NNMT: variants seen among roughly 807,000 people sequenced by gnomAD.
The protein encoded by NNMT is nicotinamide N-methyltransferase.
A neutral mutation model predicts 11.7 loss-of-function variants in NNMT; 10 were observed. That is an observed-to-expected ratio of 0.85 (90% CI 0.53 to 1.45). The LOEUF is 1.45. Ranked by LOEUF, NNMT falls within the 40% of genes most tolerant of loss-of-function variation. The pLI is 0.00. For missense variants in NNMT, 381 were observed against 319.4 expected (o/e 1.19, Z -1.47); for synonymous variants, 143 against 133.8 (o/e 1.07, Z -0.48).
At chr11:114,262,357 AC>A (rs1055741967) in intron 1 of NNMT, among the ~76,000 whole-genome samples, 32 of 150,570 alleles carry the variant, frequency 2.1e-4, no homozygotes, top group African/African-American at 6.4e-4. Flanking sequence ...TCTCCCTTTC[AC>A]CCCCAACCCA....
At chr11:114,285,885 C>T (rs746563897) in intron 2 of NNMT, among the ~76,000 whole-genome samples, 37 of 152,180 alleles carry the variant, frequency 2.4e-4, no homozygotes, top group Non-Finnish European at 5.0e-4. Flanking sequence ...CAAGGAGTGT[C>T]AAATGAGAGA....
chr11:114,260,049 C>CT (rs1945064687), intron 1 of NNMT, among the ~76,000 whole-genome samples: 1 of 152,168 alleles, frequency 6.6e-6, no homozygotes, highest in Non-Finnish European at 1.5e-5. Flanking sequence ...TATTCTGACT[C>CT]TATGACAGAG....
At chr11:114,284,871 G>A in intron 2 of NNMT, among the ~76,000 whole-genome samples, 1 of 142,346 alleles carries the variant, frequency 7.0e-6, no homozygotes, top group East Asian at 2.3e-4. Context: ...CTGGGTTCAA[G>A]TGATTCTCCT....
At chr11:114,270,241 G>C (rs1481251465) in intron 2 of NNMT, 1 of 152,076 alleles carries the variant, frequency 6.6e-6, no homozygotes, top group Non-Finnish European at 1.5e-5. Flanking sequence ...TTTTAGATTA[G>C]AGCATTCAAT....
chr11:114,284,180 C>T (rs866577953), intron 2 of NNMT, among the ~76,000 whole-genome samples: 33 of 152,192 alleles, frequency 2.2e-4, no homozygotes, highest in Admixed American at 5.9e-4. Context: ...TAGGGAGGCT[C>T]CACCCTGATT....
At chr11:114,277,648 C>A (rs189944337) in intron 2 of NNMT, among the ~76,000 whole-genome samples, 12 of 152,284 alleles carry the variant, frequency 7.9e-5, no homozygotes, top group Admixed American at 6.5e-4. Context: ...AGGTGAACTT[C>A]AAGAAAAGTG....
intron 2 of NNMT, among the ~76,000 whole-genome samples, chr11:114,309,128 T>C (rs925285573): frequency 1.3e-5 from 2 of 152,248 alleles, no homozygotes; most frequent in African/African-American, 4.8e-5. Context: ...AACACTATGT[T>C]GTCACTACTC....
At chr11:114,302,791 G>A (rs1945450515) in intron 2 of NNMT, among the ~76,000 whole-genome samples, 1 of 152,118 alleles carries the variant, frequency 6.6e-6, no homozygotes, top group African/African-American at 2.4e-5. Context: ...GGTATTAAGA[G>A]GTCGGGGCTT....
rs750737109 is a variant in NNMT, at chr11:114,298,014, C to T, written c.218C>T (p.Ser73Phe). 1.9e-6 allele frequency: 3 copies of T among 1,613,932 alleles called. No individual in the cohort carries two copies. The highest frequency in any genetic ancestry group is 2.5e-6 in the Non-Finnish European group (3 of 1,180,046). ...GSGPTIYQLLSACESFKEIVV... is the reference protein window; with the variant it reads ...GSGPTIYQLLFACESFKEIVV... ...GGCCCCACTATCTATCAGCTCCTCT[C>T]TGCTTGTGAATCCTTTAAGGAGATC... The change falls in exon 2 of 3, where the codon TCT (serine) becomes TTT (phenylalanine). Residue 73 changes from serine (S) to phenylalanine (F), a missense_variant. Ser to Phe is a radical substitution (Grantham distance 155). Coordinates refer to ENST00000299964, the MANE Select transcript of NNMT (RefSeq NM_006169.3).
At chr11:114,283,899 G>A (rs935109866) in intron 2 of NNMT, among the ~76,000 whole-genome samples, 1 of 152,090 alleles carries the variant, frequency 6.6e-6, no homozygotes, top group Non-Finnish European at 1.5e-5. Flanking sequence ...ATAAACAGAG[G>A]GAGAAGAGTG....
intron 2 of NNMT, 184 bp downstream of exon 2, chr11:114,298,342 G>A (rs554358185): frequency 5.0e-5 from 29 of 585,090 alleles, no homozygotes; most frequent in East Asian, 1.7e-4. Context: ...GTATGTGCAC[G>A]TGCATGTGTG....
At chr11:114,266,972 A>G (rs1216588868) in intron 2 of NNMT, among the ~76,000 whole-genome samples, 1 of 152,242 alleles carries the variant, frequency 6.6e-6, no homozygotes, top group African/African-American at 2.4e-5. Flanking sequence ...TCCCATCTAT[A>G]GTTTGTTTTC....
chr11:114,260,496 A>G (rs915876048), intron 1 of NNMT, among the ~76,000 whole-genome samples: 8 of 152,160 alleles, frequency 5.3e-5, no homozygotes, highest in Non-Finnish European at 7.4e-5. Flanking sequence ...TTCGATGCCA[A>G]TCCCCACTTC....
At chr11:114,296,745 T>A (rs1315682022) in intron 1 of NNMT, 35 bp downstream of exon 1, 6 of 1,608,074 alleles carry the variant, frequency 3.7e-6, no homozygotes, top group South Asian at 2.2e-5. Flanking sequence ...CCCACTAATG[T>A]GAGTCATATA....
chr11:114,312,753 T>C lies in NNMT; in HGVS notation c.*276T>C. 4.7e-6 allele frequency: 2 copies of C among 423,314 alleles called. No homozygotes were observed. Among genetic ancestry groups the C allele is most frequent in the Non-Finnish European group, 8.5e-6 (2 of 236,102 alleles). The allele number at this position is 423,314 out of a possible 1,614,324, so 26.2% of individuals were successfully genotyped here. On this transcript the variant is annotated 3_prime_UTR_variant, in exon 3 of 3. Coordinates refer to ENST00000299964, the MANE Select transcript of NNMT (RefSeq NM_006169.3). ...AAAGAAGACCTCACTTCCCTAAACA[T>C]CTAGTTATGGCGGCTCAAGCCCGTA...
chr11:114,263,433 A>G (rs1336023113), intron 2 of NNMT, among the ~76,000 whole-genome samples: 3 of 152,192 alleles, frequency 2.0e-5, no homozygotes, highest in Admixed American at 1.3e-4. Flanking sequence ...GTGCTTACTT[A>G]GCAGCTCCAG....
At chr11:114,271,995 G>T (rs1452924706) in intron 2 of NNMT, among the ~76,000 whole-genome samples, 2 of 152,140 alleles carry the variant, frequency 1.3e-5, no homozygotes, top group African/African-American at 2.4e-5. Context: ...TGTGACAGAG[G>T]TGAATACCTG....
intron 2 of NNMT, among the ~76,000 whole-genome samples, chr11:114,302,693 C>G (rs1344957027): frequency 6.6e-6 from 1 of 152,052 alleles, no homozygotes; most frequent in Non-Finnish European, 1.5e-5. Flanking sequence ...ATGTATATAA[C>G]AATATATATT....
At chr11:114,262,195 ATTTTTT>A (rs1466097744) in intron 1 of NNMT, among the ~76,000 whole-genome samples, 1 of 151,958 alleles carries the variant, frequency 6.6e-6, no homozygotes, top group Non-Finnish European at 1.5e-5. Flanking sequence ...TTTTATTTTT[ATTTTTT>A]ATCTTCAGCT....
Sources: allele counts gnomAD v4.1 joint callset (sites outside exome capture counted in the v4.1 genomes callset), GRCh38; gene constraint gnomAD v4.1.1; transcripts MANE v1.5; gene names NCBI Gene and HGNC (gene_info 2026-07-23, HGNC 2026-07-21).